Variants in BICC1 observed in about 807,000 individuals in gnomAD.
The protein encoded by BICC1 is protein bicaudal C homolog 1.
BICC1 carries 43 observed loss-of-function variants against 111.0 expected under a neutral mutation model. The observed-to-expected ratio is 0.39, with a 90% CI of 0.30 to 0.50. The LOEUF is 0.50. Among genes scored for constraint, BICC1 ranks in the 20% least tolerant of loss-of-function variants. The pLI is 0.88. For missense variants in BICC1, 1,091 were observed against 1,203.2 expected, an observed-to-expected ratio of 0.91 and a Z score of 1.38; for synonymous variants, 467 against 434.4, an observed-to-expected ratio of 1.07 and a Z score of -0.93.
intron 3 of BICC1, among the ~76,000 whole-genome samples, chr10:58,716,427 T>G (rs1012567629): frequency 6.6e-6 from 1 of 152,208 alleles, no homozygotes; most frequent in African/African-American, 2.4e-5. Context: ...CAGTAGCCAC[T>G]CAGATGCTAC....
At chr10:58,802,436 C>A (rs570853248) in intron 14 of BICC1, among the ~76,000 whole-genome samples, 2 of 152,280 alleles carry the variant, frequency 1.3e-5, no homozygotes, top group Middle Eastern at 3.4e-3. Flanking sequence ...GCCTAAGGTG[C>A]AGTTAGATTT....
intron 1 of BICC1, among the ~76,000 whole-genome samples, chr10:58,570,793 C>T (rs921502066): frequency 3.3e-5 from 5 of 152,054 alleles, no homozygotes; most frequent in Admixed American, 6.6e-5. Context: ...GACCTGAACC[C>T]GTATAACCTG....
Position 58,619,164 on chromosome 10 carries a change from G to A in BICC1, c.191-1691G>A, listed in dbSNP as rs372105779. Among the ~76,000 whole-genome samples the A allele has an allele frequency of 1.4e-4, 21 of 152,234 alleles. No individual in the cohort carries two copies. The East Asian group carries it at 3.3e-3, about 24-fold the overall frequency. ...TCACATCTACAAAATCTCTTTTGCC[G>A]TGTAAGATTCCAGGGATTAGTACAT... is the stretch of plus-strand genomic sequence containing the variant. On this transcript the variant is annotated intron_variant, in intron 1 of 20. Coordinates refer to ENST00000373886, the MANE Select transcript of BICC1 (RefSeq NM_001080512.3).
intron 3 of BICC1, among the ~76,000 whole-genome samples, chr10:58,769,404 G>GTGTGTATATATATATATATATATATA (rs1050060686): frequency 9.1e-6 from 1 of 109,746 alleles, no homozygotes; most frequent in Non-Finnish European, 1.9e-5. Flanking sequence ...GTGTGTGTGT[G>GTGTGTATATATATATATATATATATA]TATATATATA....
chr10:58,810,341 T>C (rs531538562), intron 17 of BICC1, among the ~76,000 whole-genome samples: 7 of 152,286 alleles, frequency 4.6e-5, no homozygotes, highest in African/African-American at 1.2e-4. Context: ...CACATTCACA[T>C]TGAAATTTGG....
chr10:58,647,173 T>C (rs1258940485), intron 2 of BICC1, among the ~76,000 whole-genome samples: 3 of 152,188 alleles, frequency 2.0e-5, no homozygotes, highest in Admixed American at 2.0e-4. Context: ...CTTTTCTTGT[T>C]CGTAAATACA....
At chr10:58,661,790 T>C (rs972887159) in intron 2 of BICC1, among the ~76,000 whole-genome samples, 1 of 152,178 alleles carries the variant, frequency 6.6e-6, no homozygotes, top group African/African-American at 2.4e-5. Flanking sequence ...TGATTAAGTA[T>C]TATTGAATTT....
At chr10:58,643,760 A>C (rs1023142270) in intron 2 of BICC1, among the ~76,000 whole-genome samples, 1 of 152,226 alleles carries the variant, frequency 6.6e-6, no homozygotes, top group Non-Finnish European at 1.5e-5. Context: ...CAGAAAAGGA[A>C]GCCTGACCAT....
chr10:58,786,323 T>C (rs1464430999), intron 4 of BICC1, among the ~76,000 whole-genome samples: 2 of 152,174 alleles, frequency 1.3e-5, no homozygotes, highest in African/African-American at 2.4e-5. Context: ...TGAATTTCTT[T>C]ATTTAAGCCA....
chr10:58,629,886 T>C (rs1375906733), intron 2 of BICC1, among the ~76,000 whole-genome samples: 1 of 152,214 alleles, frequency 6.6e-6, no homozygotes, highest in Non-Finnish European at 1.5e-5. Context: ...TTAGGCACTG[T>C]TATTCAATTC....
chr10:58,821,479 CG>C (rs1335880538), intron 20 of BICC1, among the ~76,000 whole-genome samples: 1 of 152,032 alleles, frequency 6.6e-6, no homozygotes, highest in Non-Finnish European at 1.5e-5. Context: ...TTTATTTTAG[CG>C]GCATGTTGAA....
chr10:58,700,242 A>G lies in BICC1; in HGVS notation c.238-1832A>G, dbSNP rs886803708. ...GGTGTGAGAGTAGAAAAGGATGGGG[A>G]GTTGGACAAGATGGCAGCTGAAGTC... On this transcript the variant is annotated intron_variant, in intron 2 of 20. Coordinates refer to ENST00000373886, the MANE Select transcript of BICC1 (RefSeq NM_001080512.3). 7.9e-5 allele frequency among the ~76,000 whole-genome samples: 12 copies of G among 152,070 alleles called. No homozygotes were observed. The East Asian group carries it at 2.1e-3, about 27-fold the overall frequency.
At chr10:58,760,426 A>G (rs1035174428) in intron 3 of BICC1, among the ~76,000 whole-genome samples, 2 of 152,190 alleles carry the variant, frequency 1.3e-5, no homozygotes, top group Admixed American at 6.5e-5. Flanking sequence ...ACCGTAATAT[A>G]TACATCACAA....
chr10:58,793,549 T>C lies in BICC1; in HGVS notation c.1113T>C (p.Ile371=), dbSNP rs764854275. 6.2e-7 allele frequency: 1 copy of C among 1,613,802 alleles called. No homozygotes were observed. The highest frequency in any genetic ancestry group is 2.2e-5 in the East Asian group (1 of 44,844). The part of the protein sequence containing the change: ...KEEIEVDPQF[I]AQLMEQLDVF... ...AAATTGAAGTAGATCCACAATTCATTGCGCAGTTGATGGAACAGCTTGATG... is the reference window on the plus strand; with the variant it reads ...AAATTGAAGTAGATCCACAATTCATCGCGCAGTTGATGGAACAGCTTGATG... Residue 371 remains isoleucine, a synonymous_variant, in exon 9 of 21, where the codon ATT becomes ATC. Transcript: ENST00000373886.
intron 2 of BICC1, among the ~76,000 whole-genome samples, chr10:58,639,238 A>G (rs1022054349): frequency 2.6e-5 from 4 of 152,146 alleles, no homozygotes; most frequent in African/African-American, 4.8e-5. Context: ...AGTGTTCCCA[A>G]TAAATCAAAA....
At chr10:58,733,204 A>T (rs1239292100) in intron 3 of BICC1, among the ~76,000 whole-genome samples, 1 of 152,218 alleles carries the variant, frequency 6.6e-6, no homozygotes, top group African/African-American at 2.4e-5. Flanking sequence ...TGAATCTCTA[A>T]AAATAGAACT....
At position 58,530,502 on chromosome 10, in the gene BICC1, A is replaced by C. The variant is rs772914827; in HGVS notation, c.190+17169A>C. On this transcript the variant is annotated intron_variant, in intron 1 of 20. Transcript: ENST00000373886. The stretch of plus-strand genomic sequence containing the variant: ...AGACTTAGACGTATAGATATCTAAC[A>C]AGCTCCTAGGGAAGTAATAAAGAAG... 4.0e-5 allele frequency among the ~76,000 whole-genome samples: 6 copies of C among 151,852 alleles called. No individual in the cohort carries two copies. In the South Asian group the frequency reaches 1.2e-3, roughly 32 times the overall value.
chr10:58,759,246 A>T (rs1295407146), intron 3 of BICC1, among the ~76,000 whole-genome samples: 3 of 152,068 alleles, frequency 2.0e-5, no homozygotes, highest in Non-Finnish European at 4.4e-5. Flanking sequence ...AGGAGTGAGC[A>T]ACCACACCTG....
Position 58,806,633 on chromosome 10 carries a change from A to G in BICC1, c.2221+10A>G. 6.2e-7 allele frequency: 1 copy of G among 1,600,800 alleles called. No individual in the cohort carries two copies. Among genetic ancestry groups the G allele is most frequent in the East Asian group, 2.2e-5 (1 of 44,732 alleles). ...CTATTAGCCACCAAAGGTATGTAATACACTAATAACTTACACTTGACTATA... is the reference window on the plus strand; with the variant it reads ...CTATTAGCCACCAAAGGTATGTAATGCACTAATAACTTACACTTGACTATA... On this transcript the variant is annotated intron_variant, in intron 16 of 20. Coordinates refer to ENST00000373886, the MANE Select transcript of BICC1 (RefSeq NM_001080512.3).
Sources: allele counts gnomAD v4.1 joint callset (sites outside exome capture counted in the v4.1 genomes callset), GRCh38; gene constraint gnomAD v4.1.1; transcripts MANE v1.5; gene names NCBI Gene and HGNC (gene_info 2026-07-23, HGNC 2026-07-21).